Variants in EPB41L4A observed in about 807,000 individuals in gnomAD.
The protein encoded by EPB41L4A is band 4.1-like protein 4A.
In EPB41L4A, 100 loss-of-function variants were observed where a neutral mutation model predicts 108.6. That is an observed-to-expected ratio of 0.92 (90% CI 0.78 to 1.09). The LOEUF (loss-of-function observed/expected upper bound fraction) is 1.09, where lower values mean the gene tolerates loss of function less well. EPB41L4A is among the 50% of genes least tolerant of loss of function. The pLI, the probability that EPB41L4A is intolerant of heterozygous loss-of-function variation, is 0.00. For synonymous variants in EPB41L4A, 319 were observed against 289.0 expected (o/e 1.10, Z -1.05); for missense variants, 1,030 against 842.7 (o/e 1.22, Z -2.75).
intron 1 of EPB41L4A, among the ~76,000 whole-genome samples, chr5:112,365,688 C>T (rs555667904): frequency 1.3e-5 from 2 of 152,180 alleles, no homozygotes; most frequent in Non-Finnish European, 2.9e-5. Context: ...TTTCTCCTAA[C>T]GTCCAAGACC....
intron 1 of EPB41L4A, among the ~76,000 whole-genome samples, chr5:112,416,183 AACTT>A (rs1316091583): frequency 6.6e-6 from 1 of 152,116 alleles, no homozygotes; most frequent in African/African-American, 2.4e-5. Flanking sequence ...CTTCAAAACT[AACTT>A]TTCTATTTGT....
chr5:112,205,529 G>T, intron 13 of EPB41L4A, 25 bp from the exon 14 acceptor site: 3 of 1,509,150 alleles, frequency 2.0e-6, no homozygotes, highest in Non-Finnish European at 2.7e-6. Context: ...AAAAGTATGA[G>T]AAATAAATTA....
intron 1 of EPB41L4A, among the ~76,000 whole-genome samples, chr5:112,339,763 T>C (rs1255031188): frequency 6.6e-6 from 1 of 152,012 alleles, no homozygotes; most frequent in Non-Finnish European, 1.5e-5. Flanking sequence ...CTCCAACTCC[T>C]GACCTCAAGT....
At chr5:112,215,656 G>A (rs540105024) in intron 12 of EPB41L4A, among the ~76,000 whole-genome samples, 42 of 151,500 alleles carry the variant, frequency 2.8e-4, no homozygotes, top group African/African-American at 9.7e-4. Flanking sequence ...CCAGCTACTC[G>A]GGAGGGTGAG....
At chr5:112,313,933 C>T (rs900259474) in intron 1 of EPB41L4A, among the ~76,000 whole-genome samples, 4 of 146,116 alleles carry the variant, frequency 2.7e-5, no homozygotes, top group Non-Finnish European at 4.5e-5. Context: ...GCGCAATCTC[C>T]GCTCACTGCA....
At chr5:112,216,314 A>G (rs902000500) in intron 12 of EPB41L4A, among the ~76,000 whole-genome samples, 1 of 152,252 alleles carries the variant, frequency 6.6e-6, no homozygotes, top group African/African-American at 2.4e-5. Flanking sequence ...CACAAAATTC[A>G]TAAGTCAATT....
chr5:112,418,124 G>A (rs1762820943), intron 1 of EPB41L4A, among the ~76,000 whole-genome samples: 1 of 152,138 alleles, frequency 6.6e-6, no homozygotes, highest in Admixed American at 6.5e-5. Context: ...AACTGAAAGA[G>A]AAAGATAAAC....
intron 1 of EPB41L4A, among the ~76,000 whole-genome samples, chr5:112,375,781 G>A (rs886551247): frequency 6.6e-6 from 1 of 152,118 alleles, no homozygotes; most frequent in Non-Finnish European, 1.5e-5. Context: ...TTGCAATGAC[G>A]ATGATCTGCT....
In EPB41L4A at chr5:112,318,929, T is replaced by TA. The variant is rs932787215; in HGVS notation, c.100-11440dup. 4.0e-4 allele frequency among the ~76,000 whole-genome samples: 61 copies of TA among 152,322 alleles called. 1 individual carries two copies. The highest frequency in any genetic ancestry group is 1.4e-3 in the African/African-American group (59 of 41,568). The stretch of plus-strand genomic sequence containing the variant: ...ACTCCCCTTCAATCTCCCTATACTG[T>TA]AACCCTTCCTTCAACCCTTGTTTAT... On this transcript the variant is annotated intron_variant, in intron 1 of 22. Coordinates refer to ENST00000261486, the MANE Select transcript of EPB41L4A (RefSeq NM_022140.5).
chr5:112,243,669 A>G (rs925404383), intron 9 of EPB41L4A, among the ~76,000 whole-genome samples: 12 of 152,204 alleles, frequency 7.9e-5, no homozygotes, highest in African/African-American at 2.9e-4. Flanking sequence ...CTTCTAAATC[A>G]GTACTTGCTG....
At chr5:112,155,306 T>C (rs929800298) in intron 12 of EPB41L4A, among the ~76,000 whole-genome samples, 5 of 151,964 alleles carry the variant, frequency 3.3e-5, no homozygotes, top group African/African-American at 1.2e-4. Context: ...TTTCAGATGA[T>C]ATTTACATAG....
intron 9 of EPB41L4A, among the ~76,000 whole-genome samples, chr5:112,243,769 A>G (rs1035592696): frequency 3.9e-5 from 6 of 152,196 alleles, no homozygotes; most frequent in African/African-American, 1.4e-4. Context: ...TTTATTCTGC[A>G]GTTTCCTCAC....
At chr5:112,253,958 C>T (rs1034766542) in intron 9 of EPB41L4A, among the ~76,000 whole-genome samples, 5 of 152,150 alleles carry the variant, frequency 3.3e-5, no homozygotes, top group African/African-American at 1.2e-4. Context: ...TGACTCCTGG[C>T]CATCATCGCT....
At chr5:112,279,244 G>C (rs1036517654) in intron 3 of EPB41L4A, among the ~76,000 whole-genome samples, 1 of 152,014 alleles carries the variant, frequency 6.6e-6, no homozygotes, top group Non-Finnish European at 1.5e-5. Context: ...CAGGACTTTC[G>C]GATGGCTTTG....
chr5:112,365,002 G>T (rs527549955), intron 1 of EPB41L4A, among the ~76,000 whole-genome samples: 105 of 152,238 alleles, frequency 6.9e-4, no homozygotes, highest in Non-Finnish European at 5.1e-4. Context: ...ATTAATAAAA[G>T]ATACCTATTT....
chr5:112,246,629 A>G (rs766465543), intron 9 of EPB41L4A, among the ~76,000 whole-genome samples: 2 of 152,180 alleles, frequency 1.3e-5, no homozygotes, highest in Non-Finnish European at 2.9e-5. Context: ...AAACTTTACC[A>G]TGGCAATGCA....
intron 1 of EPB41L4A, among the ~76,000 whole-genome samples, chr5:112,408,793 G>T (rs1021453449): frequency 6.8e-6 from 1 of 148,048 alleles, no homozygotes; most frequent in Non-Finnish European, 1.5e-5. Flanking sequence ...ACAATAAGAT[G>T]CTACTTCACA....
At position 112,240,799 on chromosome 5, in the gene EPB41L4A, G is replaced by A; in HGVS notation, c.807C>T (p.Thr269=). 1 of 1,588,632 alleles carries A rather than the reference G, an allele frequency of 6.3e-7. No individual in the cohort carries two copies. Among genetic ancestry groups the A allele is most frequent in the Non-Finnish European group, 8.5e-7 (1 of 1,171,108 alleles). The stretch of plus-strand genomic sequence containing the variant: ...TACTCCGAGCTTCAAAAAAGAATGA[G>A]GTTTCGTTACACTAAGAGAGAAAGA... ...LRVLGKDCNE[T]SFFFEARSKT... Residue 269 remains threonine, a synonymous_variant, in exon 10 of 23, where the codon ACC becomes ACT. Coordinates refer to ENST00000261486, the MANE Select transcript of EPB41L4A (RefSeq NM_022140.5).
At chr5:112,348,959 T>C (rs1368806980) in intron 1 of EPB41L4A, among the ~76,000 whole-genome samples, 1 of 151,958 alleles carries the variant, frequency 6.6e-6, no homozygotes, top group East Asian at 1.9e-4. Context: ...GGGGAGACAA[T>C]GTACAGAGAA....
Sources: gnomAD v4.1 joint callset for allele counts (sites outside exome capture counted in the v4.1 genomes callset) on GRCh38, gnomAD v4.1.1 for gene constraint, MANE v1.5 for transcripts, NCBI Gene and HGNC (gene_info 2026-07-23, HGNC 2026-07-21) for gene names.